GRIP1: variants seen among roughly 807,000 people sequenced by gnomAD.
The protein encoded by GRIP1 is glutamate receptor-interacting protein 1.
GRIP1 carries 45 observed loss-of-function variants against 129.9 expected under a neutral mutation model. The observed-to-expected ratio is 0.35, with a 90% CI of 0.27 to 0.44. GRIP1 has a LOEUF of 0.44. Ranked by LOEUF, GRIP1 falls within the 20% of genes least tolerant of loss-of-function variation. The pLI, the probability that GRIP1 is intolerant of heterozygous loss-of-function variation, is 1.00. For missense variants in GRIP1, 1,196 were observed against 1,396.8 expected (o/e 0.86, Z 2.29); for synonymous variants, 530 against 520.8 (o/e 1.02, Z -0.24).
intron 1 of GRIP1, among the ~76,000 whole-genome samples, chr12:66,970,558 T>C (rs1269471758): frequency 1.5e-5 from 2 of 137,534 alleles, no homozygotes; most frequent in East Asian, 2.3e-4. Flanking sequence ...TTTTTTTTTT[T>C]CATCTCTCCT....
chr12:66,701,881 T>C (rs901215742), intron 1 of GRIP1, among the ~76,000 whole-genome samples: 1 of 152,242 alleles, frequency 6.6e-6, no homozygotes, highest in East Asian at 1.9e-4. Flanking sequence ...ACTTTTGCAG[T>C]AGCTATATAC....
intron 1 of GRIP1, among the ~76,000 whole-genome samples, chr12:66,971,093 C>G (rs1174483433): frequency 6.6e-6 from 1 of 152,152 alleles, no homozygotes; most frequent in Admixed American, 6.5e-5. Context: ...TCAAGCTAGT[C>G]AACACTTAGC....
At chr12:67,040,578 G>A (rs1373022868) in intron 1 of GRIP1, among the ~76,000 whole-genome samples, 1 of 152,176 alleles carries the variant, frequency 6.6e-6, no homozygotes, top group Admixed American at 6.5e-5. Flanking sequence ...TTTAGACAGG[G>A]AGGTAAGAAA....
intron 1 of GRIP1, among the ~76,000 whole-genome samples, chr12:66,856,336 C>T (rs2030146722): frequency 6.6e-6 from 1 of 152,054 alleles, no homozygotes; most frequent in African/African-American, 2.4e-5. Context: ...TCTAAAACAC[C>T]AAAAGCAATG....
rs2034468635 is a variant in GRIP1, at chr12:66,678,982, T to C, written c.-78A>G. The C allele has an allele frequency of 6.2e-7, 1 of 1,608,324 alleles. No homozygotes were observed. Among genetic ancestry groups the C allele is most frequent in the Non-Finnish European group, 8.5e-7 (1 of 1,176,850 alleles). On this transcript the variant is annotated 5_prime_UTR_variant, in exon 1 of 25. Coordinates refer to ENST00000359742, the MANE Select transcript of GRIP1 (RefSeq NM_001366722.1). The stretch of plus-strand genomic sequence containing the variant: ...GGCTGCAGCAGCAGCAGCATATGAA[T>C]TCCTTGCGCACATACCAGGAGAAAG...
intron 1 of GRIP1, among the ~76,000 whole-genome samples, chr12:66,896,982 G>A (rs1012842402): frequency 1.3e-5 from 2 of 152,230 alleles, no homozygotes; most frequent in African/African-American, 4.8e-5. Context: ...GTGTCACACA[G>A]TGGTTACACG....
intron 1 of GRIP1, among the ~76,000 whole-genome samples, chr12:66,733,927 T>C (rs934871464): frequency 6.6e-6 from 1 of 152,160 alleles, no homozygotes; most frequent in Admixed American, 6.5e-5. Context: ...GCTAAAGCTG[T>C]GGCACTATCA....
At chr12:66,947,655 T>C (rs538114590) in intron 1 of GRIP1, among the ~76,000 whole-genome samples, 6 of 152,258 alleles carry the variant, frequency 3.9e-5, no homozygotes. Context: ...ATGCTCTGAT[T>C]TGATGGCTGC....
chr12:66,672,306 G>A (rs2034118640), intron 1 of GRIP1, among the ~76,000 whole-genome samples: 1 of 152,102 alleles, frequency 6.6e-6, no homozygotes, highest in Admixed American at 6.6e-5. Flanking sequence ...GGAATTATTA[G>A]TAAGAAGCTC....
intron 1 of GRIP1, among the ~76,000 whole-genome samples, chr12:67,004,005 T>TTCA (rs2042590525): frequency 3.3e-5 from 5 of 152,194 alleles, no homozygotes; most frequent in African/African-American, 1.2e-4. Context: ...AGCATCATTC[T>TTCA]AACTGATGCC....
chr12:66,367,590 C>A (rs1343037803), intron 23 of GRIP1, among the ~76,000 whole-genome samples: 2 of 152,182 alleles, frequency 1.3e-5, no homozygotes, highest in African/African-American at 2.4e-5. Context: ...TTGGTTGAGA[C>A]CTACTAGTAA....
intron 7 of GRIP1, among the ~76,000 whole-genome samples, chr12:66,483,734 T>C (rs2059871950): frequency 6.6e-6 from 1 of 152,228 alleles, no homozygotes; most frequent in Non-Finnish European, 1.5e-5. Context: ...TACAATTTGA[T>C]ACATTTTCAT....
intron 7 of GRIP1, among the ~76,000 whole-genome samples, chr12:66,480,098 G>T (rs769145442): frequency 9.2e-5 from 14 of 152,142 alleles, no homozygotes; most frequent in Non-Finnish European, 1.8e-4. Context: ...GAAATAACGG[G>T]TATTCAAGTA....
At chr12:66,468,070 T>C (rs1186120411) in intron 7 of GRIP1, among the ~76,000 whole-genome samples, 1 of 152,204 alleles carries the variant, frequency 6.6e-6, no homozygotes, top group Non-Finnish European at 1.5e-5. Flanking sequence ...GGTTTCTAAG[T>C]TTTAGCTGAG....
intron 1 of GRIP1, among the ~76,000 whole-genome samples, chr12:66,922,617 A>G (rs1421473293): frequency 6.6e-6 from 1 of 152,218 alleles, no homozygotes; most frequent in African/African-American, 2.4e-5. Flanking sequence ...CCAAACCCAT[A>G]ATTCCTGAAT....
rs550779047 is a variant in GRIP1, at chr12:66,803,444, A to T, written c.-420+609T>A. ...GAAAACTGCTAGTTCTCTTCTATTT[A>T]TAAGCTAAGTTTCAAATGTCTCAAT... On this transcript the variant is annotated intron_variant, in intron 1 of 4. Transcript: ENST00000538373. 2.7e-4 allele frequency among the ~76,000 whole-genome samples: 41 copies of T among 152,340 alleles called. 1 individual carries two copies. Among genetic ancestry groups the T allele is most frequent in the Non-Finnish European group, 5.1e-4 (35 of 68,022 alleles).
At chr12:66,690,965 T>C (rs775358241) in intron 1 of GRIP1, among the ~76,000 whole-genome samples, 10 of 151,934 alleles carry the variant, frequency 6.6e-5, no homozygotes, top group Non-Finnish European at 7.4e-5. Context: ...AAAACCTCCA[T>C]ACTGTTTTCC....
intron 9 of GRIP1, among the ~76,000 whole-genome samples, chr12:66,460,966 A>C (rs527367944): frequency 6.6e-6 from 1 of 152,222 alleles, no homozygotes; most frequent in Non-Finnish European, 1.5e-5. Context: ...CTGCTTGATA[A>C]GAAAGACAGT....
At chr12:66,620,830 G>A (rs2065240409) in intron 1 of GRIP1, among the ~76,000 whole-genome samples, 1 of 151,720 alleles carries the variant, frequency 6.6e-6, no homozygotes, top group South Asian at 2.1e-4. Context: ...GAAGAGTGGT[G>A]CATAAGCTGC....
Sources: allele counts gnomAD v4.1 joint callset (sites outside exome capture counted in the v4.1 genomes callset), GRCh38; gene constraint gnomAD v4.1.1; transcripts MANE v1.5; gene names NCBI Gene and HGNC (gene_info 2026-07-23, HGNC 2026-07-21).